The following AMZ2 variants were observed in gnomAD, a reference collection of about 807,000 sequenced individuals.
AMZ2 encodes archaemetzincin-2.
Under a neutral mutation model 36.7 loss-of-function variants are expected in AMZ2, and 26 were observed. The observed-to-expected ratio is 0.71, with a 90% CI of 0.52 to 0.98. The LOEUF is 0.98. Among genes scored for constraint, AMZ2 ranks in the 50% least tolerant of loss-of-function variants. AMZ2 has a pLI of 0.00. For synonymous variants in AMZ2, 144 were observed against 149.1 expected (o/e 0.97, Z 0.25); for missense variants, 394 against 430.5 (o/e 0.92, Z 0.75).
rs1177449161 is a variant in AMZ2, at chr17:68,255,932, CCCATGTTTCTATTATATCCTTCTCT to C, written c.927+57_927+81del. On this transcript the variant is annotated intron_variant, in intron 6 of 6. Transcript: ENST00000359904. Reference sequence around the variant, plus strand: ...GGGAAGTGGTTATCTGAGTAGCAAACCCATGTTTCTATTATATCCTTCTCTGGAGTTATAATTTATCAGAGGAAAT... The same window carrying C: ...GGGAAGTGGTTATCTGAGTAGCAAACGGAGTTATAATTTATCAGAGGAAAT... 15 of 1,551,900 alleles carry C rather than the reference CCCATGTTTCTATTATATCCTTCTCT, an allele frequency of 9.7e-6. No homozygotes were observed. The African/African-American group carries it at 2.0e-4, about 21-fold the overall frequency.
intron 1 of AMZ2, among the ~76,000 whole-genome samples, chr17:68,209,628 A>ATTTTT (rs1322446681): frequency 4.1e-5 from 4 of 98,530 alleles, no homozygotes; most frequent in Non-Finnish European, 5.5e-5. Flanking sequence ...ATATATATAT[A>ATTTTT]TATATTTTTT....
At chr17:68,231,415 T>TGTGCCTTGCATGGGG (rs1568356958) in intron 1 of AMZ2, among the ~76,000 whole-genome samples, 73 of 109,168 alleles carry the variant, frequency 6.7e-4, no homozygotes, top group African/African-American at 1.1e-3. Flanking sequence ...CATCCAGCAC[T>TGTGCCTTGCATGGGG]AGTTAAGTTG....
chr17:68,230,558 T>C (rs1426495363), intron 1 of AMZ2, among the ~76,000 whole-genome samples: 1 of 152,270 alleles, frequency 6.6e-6, no homozygotes, highest in Non-Finnish European at 1.5e-5. Context: ...CTGTAACAGA[T>C]GACTACACAT....
intron 1 of AMZ2, among the ~76,000 whole-genome samples, chr17:68,209,197 CT>C (rs34960416): frequency 0.012 from 1,754 of 141,894 alleles, 17 homozygotes; most frequent in African/African-American, 0.035. Flanking sequence ...AATTTTAGTA[CT>C]TTTTTTTTTT....
intron 5 of AMZ2, 55 bp downstream of exon 5, chr17:68,254,622 G>A (rs1356492439): frequency 1.5e-5 from 21 of 1,434,492 alleles, no homozygotes; most frequent in Non-Finnish European, 1.8e-5. Flanking sequence ...TCTTAGTTCC[G>A]TAAACTGTAT....
chr17:68,232,413 T>C (rs1416367544), intron 1 of AMZ2, among the ~76,000 whole-genome samples: 7 of 151,164 alleles, frequency 4.6e-5, no homozygotes, highest in African/African-American at 1.5e-4. Flanking sequence ...GGAGGATTGC[T>C]TGAGTCTGGG....
intron 5 of AMZ2, among the ~76,000 whole-genome samples, chr17:68,255,258 C>T (rs1555742085): frequency 6.6e-6 from 1 of 152,146 alleles, no homozygotes. Context: ...GGAAGAGCCC[C>T]AGAATCAGAA....
Position 68,255,863 on chromosome 17 carries a change from T to A in AMZ2, c.914T>A (p.Val305Glu). 1 of 1,613,878 alleles carries A rather than the reference T, an allele frequency of 6.2e-7. No individual in the cohort carries two copies. Among genetic ancestry groups the A allele is most frequent in the East Asian group, 2.2e-5 (1 of 44,872 alleles). ...CAGTGTGCTGTTGGCTTCAGCATTG[T>A]AGAAAGATACAAAGTAAGTTGGGGG... ...KLQCAVGFSI[V>E]ERYKALVRWI... The change falls in exon 6 of 7, where the codon GTA becomes GAA. Residue 305 changes from valine to glutamate, a missense_variant. By Grantham distance (121) the Val-to-Glu change is moderately radical. Coordinates refer to ENST00000359904, the MANE Select transcript of AMZ2 (RefSeq NM_016627.5).
chr17:68,236,332 G>A (rs1555732531), intron 1 of AMZ2, among the ~76,000 whole-genome samples: 1 of 151,544 alleles, frequency 6.6e-6, no homozygotes, highest in African/African-American at 2.4e-5. Context: ...TATAACATAT[G>A]AACATGATAT....
chr17:68,241,162 G>T (rs1167183827), intron 1 of AMZ2, among the ~76,000 whole-genome samples: 6 of 152,134 alleles, frequency 3.9e-5, no homozygotes, highest in African/African-American at 7.2e-5. Flanking sequence ...TAACCAGTGT[G>T]CATGGGCCAT....
At chr17:68,208,723 A>C (rs563366526) in intron 1 of AMZ2, among the ~76,000 whole-genome samples, 1 of 152,042 alleles carries the variant, frequency 6.6e-6, no homozygotes, top group East Asian at 1.9e-4. Context: ...TGTAATACTC[A>C]CCGCGACGGT....
rs2073755682 is a variant in AMZ2 at position 68,235,134 on chromosome 17, G to A, written c.-66-13506G>A. Among the ~76,000 whole-genome samples, 1 of 152,186 alleles carries A rather than the reference G, an allele frequency of 6.6e-6. No homozygotes were observed. Among genetic ancestry groups the A allele is most frequent in the Non-Finnish European group, 1.5e-5 (1 of 68,044 alleles). ...CACATCAACAGGCCCTTTTGTCAGC[G>A]GGCATTTCCGTAATTAGAACTTGTG... is the stretch of plus-strand genomic sequence containing the variant. On this transcript the variant is annotated intron_variant, in intron 1 of 7. Coordinates refer to the AMZ2 transcript ENST00000674770. This position sits in a 1 kb window ranked among gnomAD's most constrained non-coding sequence, Gnocchi z 4.2.
chr17:68,219,816 G>T (rs191713199), intron 1 of AMZ2, among the ~76,000 whole-genome samples: 1 of 151,928 alleles, frequency 6.6e-6, no homozygotes, highest in East Asian at 1.9e-4. Context: ...TTGTAGGCAT[G>T]AGCCACCTCG....
At chr17:68,217,845 C>T (rs2073239490) in intron 1 of AMZ2, among the ~76,000 whole-genome samples, 1 of 140,994 alleles carries the variant, frequency 7.1e-6, no homozygotes, top group Non-Finnish European at 1.5e-5. Flanking sequence ...TGGAGGCTGG[C>T]TCTGTCGCCC....
intron 1 of AMZ2, among the ~76,000 whole-genome samples, chr17:68,223,913 G>A (rs138057039): frequency 0.03 from 4,024 of 134,446 alleles, 189 homozygotes; most frequent in African/African-American, 0.1. Flanking sequence ...TTTTTGAAAC[G>A]GAGTCTCGCT....
intron 4 of AMZ2, among the ~76,000 whole-genome samples, chr17:68,253,778 T>C (rs12940880): frequency 0.78 from 116,772 of 149,734 alleles, 46,414 homozygotes; most frequent in African/African-American, 0.93. Context: ...TTTTTGAGAC[T>C]GAGTATCACT....
intron 1 of AMZ2, chr17:68,206,462 T>C (rs7214881): frequency 0.13 from 27,061 of 205,512 alleles, 2,191 homozygotes; most frequent in East Asian, 0.29. Flanking sequence ...GTTTGCAGGC[T>C]ACACTCGCTC....
chr17:68,215,923 G>T lies in AMZ2; in HGVS notation c.-67+9685G>T, dbSNP rs73995302. 7.0e-3 allele frequency among the ~76,000 whole-genome samples: 1,038 copies of T among 147,450 alleles called. 7 individuals carry two copies. The highest frequency in any genetic ancestry group is 0.027 in the African/African-American group (991 of 37,158). On this transcript the variant is annotated intron_variant, in intron 1 of 7. Transcript: ENST00000674770. ...CACATACAGAAAAACCTTGACATCT[G>T]TAAGGCTCATTACACAGTAATCAGT...
intron 1 of AMZ2, among the ~76,000 whole-genome samples, chr17:68,209,198 T>C (rs1158778744): frequency 8.6e-5 from 5 of 58,404 alleles, no homozygotes; most frequent in South Asian, 1.1e-3. Flanking sequence ...ATTTTAGTAC[T>C]TTTTTTTTTT....
Sources: gnomAD v4.1 joint callset for allele counts (sites outside exome capture counted in the v4.1 genomes callset) on GRCh38, gnomAD v4.1.1 for gene constraint, Gnocchi (gnomAD v3.1) non-coding constraint, MANE v1.5 for transcripts, NCBI Gene and HGNC (gene_info 2026-07-23, HGNC 2026-07-21) for gene names.